Variants in STAU2 observed in about 807,000 individuals in gnomAD.
STAU2 encodes the protein double-stranded RNA-binding protein Staufen homolog 2.
Under a neutral mutation model 65.9 loss-of-function variants are expected in STAU2, and 20 were observed. That is an observed-to-expected ratio of 0.30 (90% CI 0.21 to 0.44). STAU2 has a LOEUF of 0.44. STAU2 is among the 20% of genes least tolerant of loss of function. STAU2 has a pLI of 1.00. For missense variants in STAU2, 558 were observed against 683.9 expected (o/e 0.82, Z 2.05); for synonymous variants, 232 against 233.9 (o/e 0.99, Z 0.07).
intron 6 of STAU2, among the ~76,000 whole-genome samples, chr8:73,630,853 T>C (rs1389379004): frequency 6.6e-6 from 1 of 152,222 alleles, no homozygotes; most frequent in African/African-American, 2.4e-5. Context: ...TTCTACAATG[T>C]TTCTATGAAG....
intron 12 of STAU2, among the ~76,000 whole-genome samples, chr8:73,563,715 T>C (rs1009325481): frequency 6.6e-6 from 1 of 152,196 alleles, no homozygotes; most frequent in Admixed American, 6.5e-5. Context: ...GATCTTGCTA[T>C]GTTGCCCAGG....
chr8:73,552,566 T>G (rs898107866), intron 12 of STAU2, among the ~76,000 whole-genome samples: 5 of 152,132 alleles, frequency 3.3e-5, no homozygotes, highest in Non-Finnish European at 5.9e-5. Context: ...GGGACTTATG[T>G]GTAGTAGTGA....
intron 13 of STAU2, among the ~76,000 whole-genome samples, chr8:73,528,222 C>G (rs1484278764): frequency 6.6e-6 from 1 of 152,172 alleles, no homozygotes; most frequent in Non-Finnish European, 1.5e-5. Context: ...ATAATTGGTA[C>G]TGACACTCTT....
intron 13 of STAU2, among the ~76,000 whole-genome samples, chr8:73,492,458 C>T (rs1267903706): frequency 6.6e-6 from 1 of 151,828 alleles, no homozygotes; most frequent in East Asian, 1.9e-4. Context: ...AAATCACCTC[C>T]AATTGACAAG....
intron 6 of STAU2, among the ~76,000 whole-genome samples, chr8:73,628,654 C>T (rs1036331439): frequency 2.6e-5 from 4 of 152,250 alleles, no homozygotes; most frequent in Non-Finnish European, 4.4e-5. Flanking sequence ...TCTATCTCTC[C>T]ATTAAGTCCA....
At position 73,653,979 on chromosome 8, in the gene STAU2, G is replaced by T. The variant is rs922259698; in HGVS notation, c.410+19128C>A. ...GTAAAAGTTCTAATGTGGTTAGGAA[G>T]AGGGAAGGGGAGGGAAAAAATAAAA... On this transcript the variant is annotated intron_variant, in intron 6 of 14. Coordinates refer to ENST00000524300, the MANE Select transcript of STAU2 (RefSeq NM_001164380.2). The T allele has an allele frequency of 7.0e-5, 20 of 284,696 alleles. No homozygotes were observed. In the East Asian group the frequency reaches 1.3e-3, roughly 18 times the overall value. The allele number at this position is 284,696 out of a possible 1,614,324, so 17.6% of individuals were successfully genotyped here.
intron 13 of STAU2, among the ~76,000 whole-genome samples, chr8:73,526,713 G>A (rs994034636): frequency 3.3e-5 from 5 of 152,120 alleles, no homozygotes; most frequent in African/African-American, 9.7e-5. Flanking sequence ...TGTGATTTAG[G>A]ACATTAGTTT....
At chr8:73,578,994 C>T (rs1238053780) in intron 12 of STAU2, among the ~76,000 whole-genome samples, 1 of 147,972 alleles carries the variant, frequency 6.8e-6, no homozygotes, top group Non-Finnish European at 1.5e-5. Context: ...CCCACCCCCC[C>T]AAAAAAACCA....
chr8:73,561,307 G>A (rs553456963), intron 12 of STAU2: 2 of 324,822 alleles, frequency 6.2e-6, no homozygotes, highest in Admixed American at 4.3e-5. Context: ...GGCTTATTTA[G>A]AAGAAATTTT....
intron 12 of STAU2, among the ~76,000 whole-genome samples, chr8:73,556,847 A>G (rs1807814854): frequency 1.3e-5 from 2 of 152,158 alleles, no homozygotes; most frequent in African/African-American, 2.4e-5. Context: ...GGGCATGAGA[A>G]ATCTTTTGGT....
intron 13 of STAU2, among the ~76,000 whole-genome samples, chr8:73,430,962 G>C (rs899766059): frequency 1.3e-5 from 2 of 152,204 alleles, no homozygotes; most frequent in African/African-American, 4.8e-5. Context: ...TGGGTAAATT[G>C]ATAACAAGGT....
intron 4 of STAU2, among the ~76,000 whole-genome samples, chr8:73,693,484 A>AT (rs1819502125): frequency 6.6e-6 from 1 of 152,076 alleles, no homozygotes; most frequent in African/African-American, 2.4e-5. Flanking sequence ...CAAAAAAAAA[A>AT]AAAAAAAAGT....
At chr8:73,662,219 C>T (rs1329671838) in intron 6 of STAU2, among the ~76,000 whole-genome samples, 1 of 152,074 alleles carries the variant, frequency 6.6e-6, no homozygotes, top group Non-Finnish European at 1.5e-5. Context: ...AAATATTGTC[C>T]ATTTTTGCCT....
chr8:73,660,521 A>C (rs2130316513), intron 6 of STAU2, among the ~76,000 whole-genome samples: 1 of 152,358 alleles, frequency 6.6e-6, no homozygotes, highest in South Asian at 2.1e-4. Flanking sequence ...TATCATGGTA[A>C]ATGTATTACC....
chr8:73,550,086 T>C (rs1354736061), intron 13 of STAU2: 4 of 985,290 alleles, frequency 4.1e-6, no homozygotes, highest in African/African-American at 3.5e-5. Flanking sequence ...TAGCTGCAGG[T>C]AGTGGTCCAT....
At chr8:73,649,916 A>C (rs2130214607) in intron 6 of STAU2, among the ~76,000 whole-genome samples, 1 of 108,994 alleles carries the variant, frequency 9.2e-6, no homozygotes, top group African/African-American at 3.4e-5. Context: ...TATGGTGCAA[A>C]GATAGCACAG....
At chr8:73,717,869 A>T (rs963942567) in intron 3 of STAU2, among the ~76,000 whole-genome samples, 4 of 152,212 alleles carry the variant, frequency 2.6e-5, no homozygotes, top group African/African-American at 7.2e-5. Context: ...AGTTCTTTAA[A>T]TTTCCACATG....
intron 12 of STAU2, among the ~76,000 whole-genome samples, chr8:73,576,711 CAGT>C (rs1390594583): frequency 6.6e-6 from 1 of 152,082 alleles, no homozygotes; most frequent in Non-Finnish European, 1.5e-5. Context: ...AAAATAATAG[CAGT>C]TAATGTTTCT....
intron 10 of STAU2, among the ~76,000 whole-genome samples, chr8:73,599,439 T>G (rs1811461459): frequency 6.6e-6 from 1 of 151,870 alleles, no homozygotes; most frequent in African/African-American, 2.4e-5. Context: ...AGCAGAAAAA[T>G]GAGCAAGAAA....
Sources: allele counts gnomAD v4.1 joint callset (sites outside exome capture counted in the v4.1 genomes callset), GRCh38; gene constraint gnomAD v4.1.1; transcripts MANE v1.5; gene names NCBI Gene and HGNC (gene_info 2026-07-23, HGNC 2026-07-21).